KRT82: variants seen among roughly 807,000 people sequenced by gnomAD.
KRT82 encodes the protein keratin 82.
In KRT82, 44 loss-of-function variants were observed where a neutral mutation model predicts 48.0. The ratio of observed to expected loss-of-function variants is 0.92; its 90% CI spans 0.72 to 1.18. The LOEUF is 1.18. Ranked by LOEUF, KRT82 falls within the 50% of genes most tolerant of loss-of-function variation. KRT82 has a pLI of 0.00. For missense variants in KRT82, 701 were observed against 671.4 expected, an observed-to-expected ratio of 1.04 and a Z score of -0.49; for synonymous variants, 297 against 278.3, an observed-to-expected ratio of 1.07 and a Z score of -0.67.
At position 52,404,905 on chromosome 12, in the gene KRT82, A is replaced by G. The variant is rs1329680905; in HGVS notation, c.411+962T>C. On this transcript the variant is annotated intron_variant, in intron 1 of 8. Coordinates refer to ENST00000257974, the MANE Select transcript of KRT82 (RefSeq NM_033033.4). ...TGGGCAGCACCGTCCAAAGGCCAAG[A>G]GGTGAATGGCTTGCCCGGGGATTCC... Among the ~76,000 whole-genome samples, 3 of 152,310 alleles carry G rather than the reference A, an allele frequency of 2.0e-5. No individual in the cohort carries two copies. The East Asian group carries it at 5.8e-4, about 29-fold the overall frequency.
intron 5 of KRT82, among the ~76,000 whole-genome samples, chr12:52,398,355 A>C (rs1465536011): frequency 6.6e-6 from 1 of 152,186 alleles, no homozygotes; most frequent in African/African-American, 2.4e-5. Flanking sequence ...CATGTATTAC[A>C]GATGGCAGAA....
intron 8 of KRT82, among the ~76,000 whole-genome samples, chr12:52,395,462 T>C (rs901700241): frequency 1.3e-5 from 2 of 152,154 alleles, no homozygotes; most frequent in Non-Finnish European, 2.9e-5. Context: ...GGTCCCTCCT[T>C]CCTAAGCTTG....
chr12:52,396,302 A>T, intron 6 of KRT82, 70 bp from the exon 7 acceptor site: 1 of 1,438,670 alleles, frequency 7.0e-7, no homozygotes, highest in Non-Finnish European at 9.4e-7. Flanking sequence ...AGAAGAGCAG[A>T]GAGAACACGG....
intron 2 of KRT82, among the ~76,000 whole-genome samples, chr12:52,402,670 G>A (rs1022566461): frequency 6.6e-6 from 1 of 152,196 alleles, no homozygotes; most frequent in Non-Finnish European, 1.5e-5. Context: ...TGTAGGTGCA[G>A]GTGGTCTGTG....
chr12:52,404,296 G>A (rs1347708100), intron 1 of KRT82, among the ~76,000 whole-genome samples: 2 of 152,186 alleles, frequency 1.3e-5, no homozygotes, highest in Non-Finnish European at 2.9e-5. Flanking sequence ...TGTATGGGAA[G>A]GGACTCTGTT....
chr12:52,395,099 C>G lies in KRT82; in HGVS notation c.1418G>C (p.Ser473Thr), dbSNP rs1435042262. The stretch of plus-strand genomic sequence containing the variant: ...ATAGAGTTCACCAGTGCCCACGATG[C>G]TGCAGCCCCCATTGCTCCTGAGGAC... The part of the protein sequence containing the change: ...TGVLRSNGGC[S>T]IVGTGELYVP... Residue 473 changes from serine (S) to threonine (T), a missense_variant, in exon 9 of 9, where the codon AGC (serine) becomes ACC (threonine). Ser to Thr is a moderately conservative substitution (Grantham distance 58). Transcript: ENST00000257974. 3 of 1,613,984 alleles carry G rather than the reference C, an allele frequency of 1.9e-6. No homozygotes were observed. In the African/African-American group the frequency reaches 4.0e-5, roughly 22 times the overall value.
At position 52,394,502 on chromosome 12, in the gene KRT82, C is replaced by T. The variant is rs956124232; in HGVS notation, c.*473G>A. On this transcript the variant is annotated 3_prime_UTR_variant, in exon 9 of 9. Coordinates refer to ENST00000257974, the MANE Select transcript of KRT82 (RefSeq NM_033033.4). ...TTTAGAGTGGGATTTGGGGGTGTCT[C>T]CTTTTGATATTTGCAGTGTGCATGT... The T allele has an allele frequency of 1.1e-4, 18 of 163,818 alleles. No homozygotes were observed. Among genetic ancestry groups the T allele is most frequent in the Non-Finnish European group, 1.9e-4 (14 of 75,448 alleles). 10.1% of individuals were successfully genotyped at this position (163,818 alleles called of 1,614,324 possible).
chr12:52,400,025 C>T lies in KRT82; in HGVS notation c.902G>A (p.Ser301Asn), dbSNP rs148842792. 1.3e-5 allele frequency: 21 copies of T among 1,614,106 alleles called. No individual in the cohort carries two copies. In the African/African-American group the frequency reaches 2.5e-4, roughly 19 times the overall value. Residue 301 changes from serine to asparagine, a missense_variant, in exon 5 of 9, where the codon AGC becomes AAC. Coordinates refer to ENST00000257974, the MANE Select transcript of KRT82 (RefSeq NM_033033.4). Reference protein sequence around the residue: ...EIKAQYDDIASRSKAEAEAWY... With the variant: ...EIKAQYDDIANRSKAEAEAWY... ...GGCCTCTGCTTCGGCTTTGCTGCGGCTGGCGATGTCGTCATACTGCGCCTT... is the reference window on the plus strand; with the variant it reads ...GGCCTCTGCTTCGGCTTTGCTGCGGTTGGCGATGTCGTCATACTGCGCCTT...
rs745477906 is a variant in KRT82, at chr12:52,405,921, A to G, written c.357T>C (p.Asp119=). The change falls in exon 1 of 9, where the codon GAT becomes GAC. Residue 119 remains aspartate, a synonymous_variant. Transcript: ENST00000257974. ...IDPTVQRVKR[D]EKEQIKCLNN... Reference sequence around the variant, plus strand: ...TGAGGCACTTGATCTGCTCCTTCTCATCCCTCTTTACCCTCTGCACAGTCG... The same window carrying G: ...TGAGGCACTTGATCTGCTCCTTCTCGTCCCTCTTTACCCTCTGCACAGTCG... 6.2e-6 allele frequency: 10 copies of G among 1,614,012 alleles called. No individual in the cohort carries two copies. The highest frequency in any genetic ancestry group is 7.6e-6 in the Non-Finnish European group (9 of 1,179,984).
At chr12:52,399,885 T>G in intron 5 of KRT82, 100 bp downstream of exon 5, 1 of 1,249,320 alleles carries the variant, frequency 8.0e-7, no homozygotes, top group Non-Finnish European at 1.1e-6. Context: ...TGGCTCTCAT[T>G]AGCTCCTCAC....
In KRT82 at chr12:52,396,056, G is replaced by T. The variant is rs149421540; in HGVS notation, c.1245C>A (p.Ile415=). 5 of 1,614,144 alleles carry T rather than the reference G, an allele frequency of 3.1e-6. No homozygotes were observed. The highest frequency in any genetic ancestry group is 1.7e-5 in the Admixed American group (1 of 60,030). ...EVMNSKLGLD[I]EIATYRRLLE... is the part of the protein sequence containing the mutation. ...GCAGGCGCCTGTAGGTGGCGATCTC[G>T]ATGTCCAGGCCCAGCTTGGAGTTCA... Residue 415 remains isoleucine (I), a synonymous_variant, in exon 7 of 9, where the codon ATC becomes ATA. Coordinates refer to ENST00000257974, the MANE Select transcript of KRT82 (RefSeq NM_033033.4).
chr12:52,397,990 T>G (rs1160413726), intron 5 of KRT82, among the ~76,000 whole-genome samples: 1 of 152,126 alleles, frequency 6.6e-6, no homozygotes, highest in Non-Finnish European at 1.5e-5. Flanking sequence ...GAGGTTGCAG[T>G]GAGGCGAGAT....
At position 52,396,958 on chromosome 12, in the gene KRT82, G is replaced by T. The variant is rs770510775; in HGVS notation, c.993C>A (p.Asn331Lys). 2.5e-6 allele frequency: 4 copies of T among 1,614,020 alleles called. No individual in the cohort carries two copies. The Admixed American group carries it at 6.7e-5, about 27-fold the overall frequency. ...TCATTTCCAGGATCTCGTTCTTACG[G>T]TTGCGGAGGTTGTCACAGTGGTTCC... ...TAGNHCDNLR[N>K]RKNEILEMNK... is the part of the protein sequence containing the mutation. Residue 331 changes from asparagine to lysine, a missense_variant, in exon 6 of 9, where the codon AAC becomes AAA. Physicochemically the swap from Asn to Lys is moderately conservative, Grantham distance 94 (BLOSUM62 0). Coordinates refer to ENST00000257974, the MANE Select transcript of KRT82 (RefSeq NM_033033.4).
At chr12:52,398,680 C>T (rs1259588082) in intron 5 of KRT82, among the ~76,000 whole-genome samples, 1 of 152,134 alleles carries the variant, frequency 6.6e-6, no homozygotes, top group Non-Finnish European at 1.5e-5. Flanking sequence ...GGGTGGGTCA[C>T]AGACAGGTTC....
At chr12:52,399,857 T>A in intron 5 of KRT82, 128 bp downstream of exon 5, 1 of 939,146 alleles carries the variant, frequency 1.1e-6, no homozygotes, top group Non-Finnish European at 1.6e-6. Flanking sequence ...TGGGATTCCC[T>A]GTGTCTGTGG....
chr12:52,399,264 C>A (rs889261969), intron 5 of KRT82, among the ~76,000 whole-genome samples: 1 of 152,224 alleles, frequency 6.6e-6, no homozygotes, highest in East Asian at 1.9e-4. Context: ...ATCACCCTGC[C>A]CCTCCAACCC....
Position 52,395,779 on chromosome 12 carries a change from C to G in KRT82, c.1301G>C (p.Gly434Ala), listed in dbSNP as rs754684836. The G allele has an allele frequency of 1.3e-6, 2 of 1,553,356 alleles. No homozygotes were observed. The highest frequency in any genetic ancestry group is 1.2e-5 in the South Asian group (1 of 80,322). ...LEGEEHRLCE[G>A]IGPVNISVSS... ...CTTACAGATATTCACGGGCCCGATG[C>G]CTTCGCACAGCCTGGGGATGAGAGG... The change falls in exon 8 of 9, where the codon GGC (glycine) becomes GCC (alanine). Residue 434 changes from glycine (G) to alanine (A), a missense_variant. Coordinates refer to ENST00000257974, the MANE Select transcript of KRT82 (RefSeq NM_033033.4).
In KRT82 at chr12:52,394,563, G is replaced by T. The variant is rs1939678923; in HGVS notation, c.*412C>A. On this transcript the variant is annotated 3_prime_UTR_variant, in exon 9 of 9. Transcript: ENST00000257974. ...GTTAAAGGAAATTCACTTTTCTTAGGGGCATGAGAGCCTAAAGTAAGGGCA... is the reference window on the plus strand; with the variant it reads ...GTTAAAGGAAATTCACTTTTCTTAGTGGCATGAGAGCCTAAAGTAAGGGCA... 5.1e-6 allele frequency: 1 copy of T among 195,546 alleles called. No homozygotes were observed. Among genetic ancestry groups the T allele is most frequent in the African/African-American group, 2.3e-5 (1 of 42,894 alleles). The allele number at this position is 195,546 out of a possible 1,614,324, so 12.1% of individuals were successfully genotyped here.
At chr12:52,399,119 C>A (rs993507433) in intron 5 of KRT82, among the ~76,000 whole-genome samples, 1 of 152,236 alleles carries the variant, frequency 6.6e-6, no homozygotes, top group African/African-American at 2.4e-5. Context: ...GTTTGGGAAG[C>A]ACATCCTTGC....
Sources: gnomAD v4.1 joint callset for allele counts (sites outside exome capture counted in the v4.1 genomes callset) on GRCh38, gnomAD v4.1.1 for gene constraint, MANE v1.5 for transcripts, NCBI Gene and HGNC (gene_info 2026-07-23, HGNC 2026-07-21) for gene names.